The following MAD1L1 variants were observed in gnomAD, a reference collection of about 807,000 sequenced individuals.
The protein encoded by MAD1L1 is mitotic spindle assembly checkpoint protein MAD1.
A neutral mutation model predicts 96.9 loss-of-function variants in MAD1L1; 95 were observed. That is an observed-to-expected ratio of 0.98 (90% confidence interval 0.83 to 1.16). The LOEUF (loss-of-function observed/expected upper bound fraction) is 1.16. Ranked by LOEUF, MAD1L1 falls within the 50% of genes most tolerant of loss-of-function variation. MAD1L1 has a pLI of 0.00. For synonymous variants in MAD1L1, 473 were observed against 396.6 expected (o/e 1.19, Z -2.29); for missense variants, 1,007 against 954.4 (o/e 1.06, Z -0.73).
Position 2,059,910 on chromosome 7 carries a change from T to C in MAD1L1, c.1218+9284A>G, listed in dbSNP as rs183218277. Among the ~76,000 whole-genome samples, 38 of 152,138 alleles carry C rather than the reference T, an allele frequency of 2.5e-4. No homozygotes were observed. In the East Asian group the frequency reaches 5.4e-3, roughly 22 times the overall value. ...ATGAAAACTGCGTCGAATGTTCAAA[T>C]ACGCAGGGCAGAAAGTCTAATGACA... is the stretch of plus-strand genomic sequence containing the variant. On this transcript the variant is annotated intron_variant, in intron 12 of 18. Coordinates refer to ENST00000265854, the MANE Select transcript of MAD1L1 (RefSeq NM_001013836.2).
At chr7:2,136,596 C>T (rs564450147) in intron 11 of MAD1L1, among the ~76,000 whole-genome samples, 4 of 152,246 alleles carry the variant, frequency 2.6e-5, no homozygotes, top group Non-Finnish European at 1.5e-5. Context: ...CACTCACCTG[C>T]CCAAAGCCTG....
intron 11 of MAD1L1, among the ~76,000 whole-genome samples, chr7:2,127,991 A>G (rs752041480): frequency 3.3e-5 from 5 of 152,166 alleles, no homozygotes; most frequent in African/African-American, 7.2e-5. Context: ...GAACTTCATG[A>G]TGAGAACAAA....
chr7:1,990,777 G>A (rs1311867338), intron 14 of MAD1L1, among the ~76,000 whole-genome samples: 1 of 119,384 alleles, frequency 8.4e-6, no homozygotes, highest in Non-Finnish European at 1.8e-5. Context: ...CTGGCCTCAC[G>A]AGCACCGCTG....
At chr7:1,868,975 C>T (rs911778882) in intron 18 of MAD1L1, among the ~76,000 whole-genome samples, 4 of 152,222 alleles carry the variant, frequency 2.6e-5, no homozygotes, top group African/African-American at 9.6e-5. Context: ...AGCCCAAACC[C>T]TCGCGTGTGT....
intron 18 of MAD1L1, among the ~76,000 whole-genome samples, chr7:1,825,062 G>A (rs1174459542): frequency 3.3e-5 from 5 of 152,170 alleles, no homozygotes; most frequent in African/African-American, 1.2e-4. Context: ...GTGACTCATG[G>A]TTCTCTGCAT....
chr7:1,906,633 C>G (rs535240504), intron 17 of MAD1L1, among the ~76,000 whole-genome samples: 1 of 152,236 alleles, frequency 6.6e-6, no homozygotes, highest in African/African-American at 2.4e-5. Context: ...TGCAACTGGG[C>G]CTCATGCTGT....
chr7:1,843,759 CAAG>C (rs1457379842), intron 18 of MAD1L1, among the ~76,000 whole-genome samples: 5 of 152,138 alleles, frequency 3.3e-5, no homozygotes, highest in South Asian at 2.1e-4. Context: ...GAGCCCGCTG[CAAG>C]AAGAAGCCCC....
At chr7:1,874,529 G>A (rs1201660224) in intron 18 of MAD1L1, 5 of 455,618 alleles carry the variant, frequency 1.1e-5, no homozygotes, top group South Asian at 4.7e-5. Context: ...CACAGCTTGT[G>A]GCTGAGTGCG....
intron 17 of MAD1L1, among the ~76,000 whole-genome samples, chr7:1,920,507 C>T (rs915769390): frequency 2.6e-5 from 4 of 152,070 alleles, no homozygotes; most frequent in African/African-American, 7.2e-5. Context: ...CCCACGGGAG[C>T]GGGGGGAACC....
chr7:2,030,820 C>T (rs1433473159), intron 12 of MAD1L1, among the ~76,000 whole-genome samples: 1 of 152,236 alleles, frequency 6.6e-6, no homozygotes, highest in African/African-American at 2.4e-5. Flanking sequence ...TTTCTGTCCT[C>T]CTCAGCCCCC....
intron 18 of MAD1L1, 191 bp downstream of exon 18, chr7:1,898,009 T>C (rs1786992988): frequency 1.3e-5 from 8 of 633,746 alleles, no homozygotes; most frequent in South Asian, 1.9e-5. Context: ...CAAAGCCACA[T>C]AGGGTTGGCC....
chr7:2,210,270 T>C (rs1291357884), intron 10 of MAD1L1, among the ~76,000 whole-genome samples: 1 of 152,096 alleles, frequency 6.6e-6, no homozygotes, highest in Non-Finnish European at 1.5e-5. Flanking sequence ...GGGTCTCAAC[T>C]GCGTTCCCCA....
intron 16 of MAD1L1, among the ~76,000 whole-genome samples, chr7:1,955,059 G>C (rs928855784): frequency 2.0e-5 from 3 of 152,230 alleles, no homozygotes; most frequent in African/African-American, 7.2e-5. Context: ...CACCGCGGGA[G>C]GGCAGCGGCA....
At chr7:2,144,203 A>G (rs530909788) in intron 11 of MAD1L1, among the ~76,000 whole-genome samples, 1 of 152,356 alleles carries the variant, frequency 6.6e-6, no homozygotes, top group Non-Finnish European at 1.5e-5. Context: ...AGAGGGAATC[A>G]TAAGAGCTTC....
chr7:2,049,612 C>T (rs550599040), intron 12 of MAD1L1, among the ~76,000 whole-genome samples: 1 of 152,370 alleles, frequency 6.6e-6, no homozygotes, highest in East Asian at 1.9e-4. Flanking sequence ...CTCACAGACA[C>T]CTGGGTCCAG....
chr7:2,101,479 C>T (rs1786777680), intron 11 of MAD1L1, among the ~76,000 whole-genome samples: 1 of 88,698 alleles, frequency 1.1e-5, no homozygotes, highest in Non-Finnish European at 2.3e-5. Context: ...GGGCTCCACT[C>T]CTAAAGGGTC....
intron 12 of MAD1L1, among the ~76,000 whole-genome samples, chr7:2,053,134 G>A (rs1784255026): frequency 6.6e-6 from 1 of 152,360 alleles, no homozygotes; most frequent in Non-Finnish European, 1.5e-5. Context: ...TGTTGGGAAA[G>A]TTGAAAGCAA....
intron 10 of MAD1L1, among the ~76,000 whole-genome samples, chr7:2,167,110 T>C (rs1438819769): frequency 6.6e-6 from 1 of 152,040 alleles, no homozygotes; most frequent in Non-Finnish European, 1.5e-5. Context: ...AGAGTGCCGG[T>C]GAAACAGTAA....
At chr7:2,019,398 G>A (rs1034929188) in intron 12 of MAD1L1, among the ~76,000 whole-genome samples, 1 of 152,200 alleles carries the variant, frequency 6.6e-6, no homozygotes, top group South Asian at 2.1e-4. Context: ...TAAGCGCCTC[G>A]GAGGACCCAC....
Sources: gnomAD v4.1 joint callset for allele counts (sites outside exome capture counted in the v4.1 genomes callset) on GRCh38, gnomAD v4.1.1 for gene constraint, MANE v1.5 for transcripts, NCBI Gene and HGNC (gene_info 2026-07-23, HGNC 2026-07-21) for gene names.